NMT2: variants seen among roughly 807,000 people sequenced by gnomAD.
NMT2 encodes the protein glycylpeptide N-tetradecanoyltransferase 2.
Under a neutral mutation model 65.4 loss-of-function variants are expected in NMT2, and 35 were observed. The ratio of observed to expected loss-of-function variants is 0.54; its 90% confidence interval spans 0.41 to 0.71. The LOEUF (loss-of-function observed/expected upper bound fraction) is 0.71, where lower values mean the gene tolerates loss of function less well. Among genes scored for constraint, NMT2 ranks in the 30% least tolerant of loss-of-function variants. NMT2 has a pLI of 0.00. For synonymous variants in NMT2, 226 were observed against 231.8 expected (o/e 0.98, Z 0.23); for missense variants, 489 against 611.3 (o/e 0.80, Z 2.11).
At chr10:15,147,870 C>A (rs1382093861) in intron 1 of NMT2, among the ~76,000 whole-genome samples, 1 of 152,056 alleles carries the variant, frequency 6.6e-6, no homozygotes, top group Non-Finnish European at 1.5e-5. Context: ...AAAGTACAAA[C>A]CATAAGAGAT....
chr10:15,155,395 G>T (rs1325104173), intron 1 of NMT2: 3 of 610,982 alleles, frequency 4.9e-6, no homozygotes, highest in Admixed American at 5.3e-5. Flanking sequence ...AAGAGATTGG[G>T]TCTCACTCTG....
rs1399166035 is a variant in NMT2, at chr10:15,107,411, A to G, written c.*1784T>C. On this transcript the variant is annotated 3_prime_UTR_variant, in exon 12 of 12. Coordinates refer to ENST00000378165, the MANE Select transcript of NMT2 (RefSeq NM_004808.3). ...CATGTCTAAAACAATTAACTTCTGC[A>G]CTGAACTTCCTAGGCACTGGCCCAG... The G allele has an allele frequency of 4.1e-6, 4 of 985,340 alleles. No individual in the cohort carries two copies. The highest frequency in any genetic ancestry group is 1.7e-5 in the African/African-American group (1 of 57,248). 61.0% of individuals were successfully genotyped at this position (985,340 alleles called of 1,614,324 possible).
intron 1 of NMT2, among the ~76,000 whole-genome samples, chr10:15,156,036 T>C (rs1832987254): frequency 6.6e-6 from 1 of 152,178 alleles, no homozygotes; most frequent in South Asian, 2.1e-4. Flanking sequence ...TTCTGGAATT[T>C]TCCATTGAAT....
chr10:15,140,847 C>G (rs1031520190), intron 2 of NMT2: 1 of 754,236 alleles, frequency 1.3e-6, no homozygotes, highest in African/African-American at 1.7e-5. Flanking sequence ...TGGCCACCAT[C>G]TGCCAACACG....
intron 1 of NMT2, among the ~76,000 whole-genome samples, chr10:15,145,832 G>C (rs1052160279): frequency 1.3e-5 from 2 of 152,126 alleles, no homozygotes; most frequent in African/African-American, 4.8e-5. Flanking sequence ...GCTTAGCCAG[G>C]GGTCTGCGTC....
At chr10:15,140,496 CT>C (rs1846711358) in intron 2 of NMT2, among the ~76,000 whole-genome samples, 4 of 151,888 alleles carry the variant, frequency 2.6e-5, no homozygotes, top group Non-Finnish European at 4.4e-5. Context: ...AATTCTACCC[CT>C]TTTCTTTCTT....
At chr10:15,138,597 A>G (rs1416267810) in intron 2 of NMT2, among the ~76,000 whole-genome samples, 1 of 152,136 alleles carries the variant, frequency 6.6e-6, no homozygotes, top group Non-Finnish European at 1.5e-5. Flanking sequence ...CTCTTTACCC[A>G]TTGTTTTCCA....
chr10:15,127,587 T>C (rs1312292771), intron 8 of NMT2, among the ~76,000 whole-genome samples: 6 of 87,854 alleles, frequency 6.8e-5, no homozygotes, highest in African/African-American at 1.5e-4. Flanking sequence ...AATAAATAAA[T>C]AAATAAATAA....
chr10:15,119,660 T>A (rs1042021025), intron 8 of NMT2, 147 bp from the exon 9 acceptor site: 2 of 631,232 alleles, frequency 3.2e-6, no homozygotes, highest in East Asian at 5.4e-5. Context: ...CTGCCCCAGA[T>A]CTAATGAATC....
chr10:15,125,712 G>T (rs1564567000), intron 8 of NMT2, among the ~76,000 whole-genome samples: 1 of 152,148 alleles, frequency 6.6e-6, no homozygotes, highest in Non-Finnish European at 1.5e-5. Flanking sequence ...CTGTGGCCAG[G>T]CTGGAGTGCA....
chr10:15,144,973 TAACAGCCCAA>T (rs1426198566), intron 1 of NMT2, among the ~76,000 whole-genome samples: 4 of 152,132 alleles, frequency 2.6e-5, no homozygotes, highest in Non-Finnish European at 5.9e-5. Flanking sequence ...GCATCATTCA[TAACAGCCCAA>T]AACTGGAAAC....
chr10:15,112,377 C>T (rs1845591203), intron 10 of NMT2, among the ~76,000 whole-genome samples: 5 of 150,012 alleles, frequency 3.3e-5, no homozygotes, highest in East Asian at 2.0e-4. Context: ...TACAGGCACA[C>T]ACCACGAAGC....
At chr10:15,126,416 G>A (rs528552767) in intron 8 of NMT2, among the ~76,000 whole-genome samples, 4 of 147,830 alleles carry the variant, frequency 2.7e-5, no homozygotes, top group South Asian at 2.1e-4. Flanking sequence ...ACAACAGAGC[G>A]AGCCTCCATC....
intron 3 of NMT2, 73 bp from the exon 4 acceptor site, chr10:15,133,436 C>G: frequency 8.3e-7 from 1 of 1,211,188 alleles, no homozygotes; most frequent in African/African-American, 1.5e-5. Flanking sequence ...TTCTAACCAT[C>G]CAAAGTGGTC....
chr10:15,112,254 G>A (rs1223059603), intron 10 of NMT2, among the ~76,000 whole-genome samples: 1 of 37,292 alleles, frequency 2.7e-5, no homozygotes, highest in Non-Finnish European at 5.5e-5. Flanking sequence ...TTTTTTTTGA[G>A]ACAGTTTCTG....
chr10:15,113,349 A>C (rs1845630640), intron 9 of NMT2, among the ~76,000 whole-genome samples: 1 of 151,306 alleles, frequency 6.6e-6, no homozygotes, highest in South Asian at 2.1e-4. Context: ...GCACACCTGT[A>C]ATCCCAGCTA....
Position 15,168,541 on chromosome 10 carries a change from T to C in NMT2, c.72A>G (p.Ile24Met). The C allele has an allele frequency of 6.3e-7, 1 of 1,593,510 alleles. No individual in the cohort carries two copies. The highest frequency in any genetic ancestry group is 8.5e-7 in the Non-Finnish European group (1 of 1,172,242). ...CCGTCTCCTCCTCATTGTCCCCGTC[T>C]ATCCCGCACGTGTCCTGGTCGTCCA... is the stretch of plus-strand genomic sequence containing the variant. ...LELDDQDTCG[I>M]DGDNEEETEH... Residue 24 changes from isoleucine to methionine, a missense_variant, in exon 1 of 12, where the codon ATA (isoleucine) becomes ATG (methionine). Physicochemically the swap from Ile to Met is conservative, Grantham distance 10. Coordinates refer to ENST00000378165, the MANE Select transcript of NMT2 (RefSeq NM_004808.3).
At chr10:15,160,019 A>G (rs563876809) in intron 1 of NMT2, among the ~76,000 whole-genome samples, 1 of 152,314 alleles carries the variant, frequency 6.6e-6, no homozygotes, top group African/African-American at 2.4e-5. Flanking sequence ...AAGAAAGGAC[A>G]TTTGGGCTGA....
chr10:15,111,232 C>A (rs1258613110), intron 10 of NMT2, among the ~76,000 whole-genome samples: 1 of 150,784 alleles, frequency 6.6e-6, no homozygotes, highest in African/African-American at 2.4e-5. Context: ...GTATGCAGGC[C>A]GGGCGTGGTG....
Sources: gnomAD v4.1 joint callset for allele counts (sites outside exome capture counted in the v4.1 genomes callset) on GRCh38, gnomAD v4.1.1 for gene constraint, MANE v1.5 for transcripts, NCBI Gene and HGNC (gene_info 2026-07-23, HGNC 2026-07-21) for gene names.